PAK3: variants seen among roughly 807,000 people sequenced by gnomAD.
PAK3 encodes the protein p21 (RAC1) activated kinase 3, also known as serine/threonine-protein kinase PAK 3.
In PAK3, 4 loss-of-function variants were observed where a neutral mutation model predicts 41.0. That is an observed-to-expected ratio of 0.10 (90% confidence interval 0.05 to 0.22). PAK3 has a LOEUF of 0.22. Among genes scored for constraint, PAK3 ranks in the 10% least tolerant of loss-of-function variants. The probability of loss-of-function intolerance (pLI) is 1.00; values close to 1 mark genes in which losing one functional copy is unlikely to be tolerated. For missense variants in PAK3, 205 were observed against 409.9 expected, an observed-to-expected ratio of 0.50 and a Z score of 4.32; for synonymous variants, 146 against 139.6, an observed-to-expected ratio of 1.05 and a Z score of -0.32.
chrX:111,019,459 C>T (rs888268271), intron 1 of PAK3, among the ~76,000 whole-genome samples: 9 of 96,413 alleles, frequency 9.3e-5, no homozygotes, highest in African/African-American at 3.1e-4. Flanking sequence ...TTTGTGAGGC[C>T]AAAGCAGGAA....
chrX:110,979,477 T>C (rs1346604761), intron 1 of PAK3, among the ~76,000 whole-genome samples: 3 of 109,475 alleles, frequency 2.7e-5, no homozygotes, highest in Non-Finnish European at 5.7e-5. Context: ...TTTTGTATTT[T>C]CAGTAGAGAC....
chrX:110,963,850 A>C (rs754265285), intron 1 of PAK3, among the ~76,000 whole-genome samples: 14 of 111,970 alleles, frequency 1.3e-4, no homozygotes, highest in Middle Eastern at 9.2e-3. Context: ...AAATGCTTTC[A>C]AAAGTTCAAA....
At chrX:111,203,738 C>T (rs752419560) in intron 16 of PAK3, among the ~76,000 whole-genome samples, 1 of 111,965 alleles carries the variant, frequency 8.9e-6, no homozygotes, top group Admixed American at 9.5e-5. Context: ...AAAGGCTAAA[C>T]TGTTTCTAAA....
At chrX:111,078,172 A>G (rs1213885047) in intron 1 of PAK3, among the ~76,000 whole-genome samples, 2 of 111,270 alleles carry the variant, frequency 1.8e-5, no homozygotes, top group African/African-American at 6.5e-5. Context: ...TTTGGTGAGG[A>G]TGTGGAGAAA....
chrX:110,974,440 A>T (rs1408171936), intron 1 of PAK3, among the ~76,000 whole-genome samples: 4 of 111,879 alleles, frequency 3.6e-5, no homozygotes, highest in Non-Finnish European at 7.5e-5. Context: ...TAGACCAATA[A>T]CAGGCTCTGA....
At chrX:111,196,382 A>G in intron 15 of PAK3, 62 bp from the exon 16 acceptor site, 2 of 885,820 alleles carry the variant, frequency 2.3e-6, no homozygotes, top group Non-Finnish European at 3.3e-6. Context: ...CATATCTGAA[A>G]GTGATATATT....
intron 9 of PAK3, among the ~76,000 whole-genome samples, chrX:111,163,327 G>A (rs1246175846): frequency 1.8e-5 from 2 of 111,392 alleles, no homozygotes; most frequent in Non-Finnish European, 3.8e-5. Flanking sequence ...AACCAGGTAG[G>A]AAGAGTTGCA....
At chrX:111,157,420 T>C (rs775258658) in intron 8 of PAK3, among the ~76,000 whole-genome samples, 9 of 111,537 alleles carry the variant, frequency 8.1e-5, no homozygotes, top group Non-Finnish European at 1.7e-4. Flanking sequence ...AAGTTATACA[T>C]AAGAGCATGT....
chrX:111,130,139 C>T (rs1363023248), intron 5 of PAK3, among the ~76,000 whole-genome samples: 1 of 111,798 alleles, frequency 8.9e-6, no homozygotes, highest in African/African-American at 3.3e-5. Flanking sequence ...GAGGTAACTT[C>T]CTAATGATTT....
At chrX:111,098,066 A>G (rs1214450613) in intron 3 of PAK3, among the ~76,000 whole-genome samples, 1 of 110,876 alleles carries the variant, frequency 9.0e-6, no homozygotes, top group African/African-American at 3.3e-5. Context: ...TAGGGTTATA[A>G]GCTAGGGGAC....
chrX:111,034,920 AG>A (rs760422719), intron 1 of PAK3, among the ~76,000 whole-genome samples: 18 of 108,722 alleles, frequency 1.7e-4, no homozygotes, highest in Non-Finnish European at 3.0e-4. Flanking sequence ...AGGCAGCTAG[AG>A]ATGGAGAAAT....
Position 111,010,838 on chromosome X carries a change from C to G in PAK3, c.-28+66210C>G, listed in dbSNP as rs1050112342. 6.3e-5 allele frequency among the ~76,000 whole-genome samples: 7 copies of G among 111,973 alleles called. No individual in the cohort carries two copies. The East Asian group carries it at 2.0e-3, about 32-fold the overall frequency. On this transcript the variant is annotated intron_variant, in intron 1 of 14. Coordinates refer to the PAK3 transcript ENST00000425146. ...TTCTTTACAGCAATACAAAAATGGT[C>G]TAGCGCACTAGCCAACTTCTCTGAA...
chrX:111,156,176 T>C (rs1401425962), intron 8 of PAK3, among the ~76,000 whole-genome samples: 2 of 111,805 alleles, frequency 1.8e-5, no homozygotes, highest in African/African-American at 6.5e-5. Flanking sequence ...GGAGATTACA[T>C]TCAATTTCTA....
At chrX:111,057,142 G>T (rs1348015521) in intron 1 of PAK3, among the ~76,000 whole-genome samples, 1 of 111,213 alleles carries the variant, frequency 9.0e-6, no homozygotes, top group Non-Finnish European at 1.9e-5. Flanking sequence ...CCATCAAAAA[G>T]TGGGCAAAGG....
intron 8 of PAK3, among the ~76,000 whole-genome samples, chrX:111,155,073 ACTGT>A (rs201296373): frequency 0.019 from 2,121 of 111,523 alleles, 34 homozygotes; most frequent in African/African-American, 0.05. Flanking sequence ...TGATGATCTC[ACTGT>A]CTGGAGATAA....
intron 1 of PAK3, among the ~76,000 whole-genome samples, chrX:110,945,606 C>T (rs1212183407): frequency 3.6e-5 from 4 of 112,019 alleles, no homozygotes; most frequent in Admixed American, 9.4e-5. Context: ...TTAGCGCATC[C>T]TAATGTCTTC....
intron 1 of PAK3, among the ~76,000 whole-genome samples, chrX:111,043,997 A>G (rs559837263): frequency 8.9e-6 from 1 of 112,426 alleles, no homozygotes; most frequent in Middle Eastern, 4.6e-3. Flanking sequence ...GCCTAACAAT[A>G]CTTAAATACC....
chrX:111,165,025 G>C (rs1954197397), intron 10 of PAK3, among the ~76,000 whole-genome samples: 1 of 111,329 alleles, frequency 9.0e-6, no homozygotes, highest in African/African-American at 3.3e-5. Flanking sequence ...TTCAGAGACT[G>C]CTAGTAGCAT....
chrX:110,960,742 C>A (rs2090962513), intron 1 of PAK3, among the ~76,000 whole-genome samples: 1 of 111,826 alleles, frequency 8.9e-6, no homozygotes, highest in Non-Finnish European at 1.9e-5. Flanking sequence ...ACTTTGATAA[C>A]CTGTCCCCAT....
Sources: gnomAD v4.1 joint callset for allele counts (sites outside exome capture counted in the v4.1 genomes callset) on GRCh38, gnomAD v4.1.1 for gene constraint, MANE v1.5 for transcripts, NCBI Gene and HGNC (gene_info 2026-07-23, HGNC 2026-07-21) for gene names.